The following MTDH variants were observed in gnomAD, a reference collection of about 807,000 sequenced individuals.
MTDH encodes protein LYRIC.
MTDH carries 34 observed loss-of-function variants against 72.7 expected under a neutral mutation model. The observed-to-expected ratio is 0.47, with a 90% CI of 0.36 to 0.62. MTDH has a LOEUF of 0.62. MTDH is among the 20% of genes least tolerant of loss of function. MTDH has a pLI of 0.00. For synonymous variants in MTDH, 266 were observed against 268.9 expected (o/e 0.99, Z 0.10); for missense variants, 677 against 699.4 (o/e 0.97, Z 0.36).
chr8:97,654,023 T>C (rs1811872967), intron 1 of MTDH, among the ~76,000 whole-genome samples: 1 of 152,224 alleles, frequency 6.6e-6, no homozygotes, highest in African/African-American at 2.4e-5. Context: ...GTGACAGTTA[T>C]TACCATCTCC....
In MTDH at chr8:97,706,655, G is replaced by C. The variant is rs770504723; in HGVS notation, c.1177G>C (p.Asp393His). The change falls in exon 8 of 12, where the codon GAT (aspartate) becomes CAT (histidine). Residue 393 changes from aspartate (D) to histidine (H), a missense_variant. Coordinates refer to ENST00000336273, the MANE Select transcript of MTDH (RefSeq NM_178812.4). Reference protein sequence around the residue: ...NGLSSADPNSDWNAPAEEWGN... With the variant: ...NGLSSADPNSHWNAPAEEWGN... Reference sequence around the variant, plus strand: ...TCTGTCTTCTGCTGATCCCAACTCTGATTGGAATGCACCAGCAGAAGAGTG... The same window carrying C: ...TCTGTCTTCTGCTGATCCCAACTCTCATTGGAATGCACCAGCAGAAGAGTG... The C allele has an allele frequency of 1.9e-6, 3 of 1,613,310 alleles. No homozygotes were observed. Among genetic ancestry groups the C allele is most frequent in the East Asian group, 4.5e-5 (2 of 44,842 alleles).
At chr8:97,653,931 T>C (rs1811870431) in intron 1 of MTDH, among the ~76,000 whole-genome samples, 7 of 152,214 alleles carry the variant, frequency 4.6e-5, no homozygotes, top group Admixed American at 4.6e-4. Context: ...GTAGTCCTTA[T>C]CATACCCATC....
Position 97,697,148 on chromosome 8 carries a change from A to ATTTTTTTTTTTT in MTDH, c.1049-2605_1049-2604insTTTTTTTTTTTT, listed in dbSNP as rs1324445962. ...AAAAAAAATATATATATATATATAT[A>ATTTTTTTTTTTT]TATTTTTTTTTTGTGGACCCAGTTT... On this transcript the variant is annotated intron_variant, in intron 6 of 11. Coordinates refer to ENST00000336273, the MANE Select transcript of MTDH (RefSeq NM_178812.4). 4.4e-3 allele frequency among the ~76,000 whole-genome samples: 301 copies of ATTTTTTTTTTTT among 68,370 alleles called. 3 individuals are homozygous for ATTTTTTTTTTTT. The highest frequency in any genetic ancestry group is 0.028 in the African/African-American group (288 of 10,118). 44.9% of individuals were successfully genotyped at this position (68,370 alleles called of 152,430 possible). A position where few individuals can be genotyped will look rare whatever the true frequency, so the allele number is the denominator to read the frequency against.
rs139661311 is a variant in MTDH at position 97,666,628 on chromosome 8, G to A, written c.483+5455G>A. Among the ~76,000 whole-genome samples the A allele has an allele frequency of 5.6e-4, 86 of 152,276 alleles. No homozygotes were observed. In the East Asian group the frequency reaches 9.3e-3, roughly 16 times the overall value. ...ATGCTTGCACTGATGGTGCAAAAGC[G>A]ATAATAGGTAAAACTGCTGGCTCCT... On this transcript the variant is annotated intron_variant, in intron 2 of 11. Coordinates refer to ENST00000336273, the MANE Select transcript of MTDH (RefSeq NM_178812.4).
chr8:97,683,037 C>T (rs971158247), intron 2 of MTDH, among the ~76,000 whole-genome samples: 7 of 92,880 alleles, frequency 7.5e-5, no homozygotes, highest in African/African-American at 2.2e-4. Context: ...CTATGATGCT[C>T]TTAGACACTT....
chr8:97,670,866 C>G (rs1344913726), intron 2 of MTDH, among the ~76,000 whole-genome samples: 3 of 152,060 alleles, frequency 2.0e-5, no homozygotes, highest in African/African-American at 7.2e-5. Flanking sequence ...GAGTGATTCT[C>G]CTGCCTCAGC....
intron 1 of MTDH, among the ~76,000 whole-genome samples, chr8:97,650,639 T>C (rs1811735497): frequency 6.6e-6 from 1 of 152,232 alleles, no homozygotes; most frequent in Non-Finnish European, 1.5e-5. Context: ...CTGTAAAGCC[T>C]TCCCTAGCTC....
chr8:97,711,981 G>A (rs543327102), intron 8 of MTDH, among the ~76,000 whole-genome samples: 3 of 152,164 alleles, frequency 2.0e-5, no homozygotes, highest in Non-Finnish European at 2.9e-5. Flanking sequence ...AACATTTATC[G>A]TTTCAAGAAT....
intron 11 of MTDH, 130 bp downstream of exon 11, chr8:97,723,165 G>A (rs576696452): frequency 3.5e-5 from 28 of 810,938 alleles, no homozygotes; most frequent in Admixed American, 5.9e-5. Flanking sequence ...TTGGGAGGCC[G>A]AGGCGGGCAG....
In MTDH at chr8:97,699,871, TATC is replaced by T; in HGVS notation, c.1147+21_1147+23del. On this transcript the variant is annotated intron_variant, in intron 7 of 11. Coordinates refer to ENST00000336273, the MANE Select transcript of MTDH (RefSeq NM_178812.4). ...GGGTTAAGTATGTCCTTTTAAAAAT[TATC>T]AGTTATTTTTTTTCAGAGTTTTCTT... The T allele has an allele frequency of 6.5e-7, 1 of 1,528,454 alleles. No individual in the cohort carries two copies. The highest frequency in any genetic ancestry group is 9.0e-7 in the Non-Finnish European group (1 of 1,110,628). The allele number at this position is 1,528,454 out of a possible 1,614,324, so 94.7% of individuals were successfully genotyped here.
At chr8:97,723,992 G>A (rs1815252796) in intron 11 of MTDH, among the ~76,000 whole-genome samples, 1 of 149,268 alleles carries the variant, frequency 6.7e-6, no homozygotes, top group South Asian at 2.1e-4. Context: ...ATCTGTAATC[G>A]CAGCTACTCG....
intron 4 of MTDH, among the ~76,000 whole-genome samples, chr8:97,688,262 A>G (rs942215200): frequency 2.0e-5 from 3 of 152,098 alleles, no homozygotes; most frequent in Admixed American, 6.6e-5. Context: ...GCATTGGCGT[A>G]TCTTCCTTGT....
chr8:97,661,077 T>G lies in MTDH; in HGVS notation c.387T>G (p.Asn129Lys). 1 of 1,612,470 alleles carries G rather than the reference T, an allele frequency of 6.2e-7. No homozygotes were observed. Among genetic ancestry groups the G allele is most frequent in the Non-Finnish European group, 8.5e-7 (1 of 1,178,984 alleles). The change falls in exon 2 of 12, where the codon AAT becomes AAG. Residue 129 changes from asparagine (N) to lysine (K), a missense_variant. This residue lies in a region of MTDH where 467 missense variants were observed against 469.1 expected (regional missense o/e 1.00). Transcript: ENST00000336273. Reference protein sequence around the residue: ...RKKLSEKPKPNGRTVEVAEGE... With the variant: ...RKKLSEKPKPKGRTVEVAEGE... ...ACTTTTTGTTGCCTGTGCAGCCAAA[T>G]GGGCGGACTGTTGAAGTGGCTGAGG... is the stretch of plus-strand genomic sequence containing the variant.
intron 2 of MTDH, among the ~76,000 whole-genome samples, chr8:97,668,390 C>G (rs547324729): frequency 6.6e-6 from 1 of 152,178 alleles, no homozygotes; most frequent in Non-Finnish European, 1.5e-5. Flanking sequence ...ATAAAAGATT[C>G]ATGCACATTG....
intron 2 of MTDH, among the ~76,000 whole-genome samples, chr8:97,680,209 A>T (rs1327540415): frequency 3.3e-5 from 5 of 152,064 alleles, no homozygotes; most frequent in Non-Finnish European, 7.3e-5. Flanking sequence ...AGTAGCTAGG[A>T]CTACAGGTGT....
At chr8:97,694,084 A>G (rs1044677538) in intron 6 of MTDH, among the ~76,000 whole-genome samples, 3 of 152,266 alleles carry the variant, frequency 2.0e-5, no homozygotes, top group Admixed American at 2.0e-4. Flanking sequence ...TCTTGTGCTT[A>G]TGGCAGATAT....
chr8:97,648,117 A>G (rs1811632397), intron 1 of MTDH, among the ~76,000 whole-genome samples: 1 of 152,066 alleles, frequency 6.6e-6, no homozygotes, highest in South Asian at 2.1e-4. Flanking sequence ...TTTATAAGCA[A>G]TTTCTGAAAT....
intron 8 of MTDH, among the ~76,000 whole-genome samples, chr8:97,708,146 T>C (rs1290952248): frequency 2.0e-5 from 3 of 151,618 alleles, no homozygotes; most frequent in East Asian, 3.9e-4. Flanking sequence ...TTTTGTACTT[T>C]TACCATGTTG....
At chr8:97,646,028 A>G (rs1316866513) in intron 1 of MTDH, among the ~76,000 whole-genome samples, 1 of 152,186 alleles carries the variant, frequency 6.6e-6, no homozygotes, top group East Asian at 1.9e-4. Context: ...AGATTCATAA[A>G]TAATTAGAAT....
Sources: gnomAD v4.1 joint callset for allele counts (sites outside exome capture counted in the v4.1 genomes callset) on GRCh38, gnomAD v4.1.1 for gene constraint, gnomAD v4.1.1 regional missense constraint, MANE v1.5 for transcripts, NCBI Gene and HGNC (gene_info 2026-07-23, HGNC 2026-07-21) for gene names.